EPSTI1: variants seen among roughly 807,000 people sequenced by gnomAD.
EPSTI1 encodes epithelial stromal interaction 1, also known as epithelial-stromal interaction protein 1.
In EPSTI1, 66 loss-of-function variants were observed where a neutral mutation model predicts 49.9. The observed-to-expected ratio is 1.32, with a 90% CI of 1.08 to 1.62. EPSTI1 has a LOEUF of 1.62. Among genes scored for constraint, EPSTI1 ranks in the 40% most tolerant of loss-of-function variants. The pLI, the probability that EPSTI1 is intolerant of heterozygous loss-of-function variation, is 0.00. For missense variants in EPSTI1, 394 were observed against 365.5 expected (o/e 1.08, Z -0.64); for synonymous variants, 137 against 130.7 (o/e 1.05, Z -0.33).
chr13:42,941,153 A>G (rs1403395839), intron 6 of EPSTI1, among the ~76,000 whole-genome samples: 1 of 152,224 alleles, frequency 6.6e-6, no homozygotes, highest in African/African-American at 2.4e-5. Flanking sequence ...GTATAAAATC[A>G]TCCTTCACTA....
In EPSTI1 at chr13:42,970,603, T is replaced by C; in HGVS notation, c.247+9A>G. The stretch of plus-strand genomic sequence containing the variant: ...GCATTCTGAATGTTAAATGAATGAC[T>C]ATACATACTTCTTTGTATCTCATTT... On this transcript the variant is annotated intron_variant, in intron 2 of 10. Coordinates refer to ENST00000313624, the MANE Select transcript of EPSTI1 (RefSeq NM_033255.5). 6.2e-7 allele frequency: 1 copy of C among 1,600,432 alleles called. No homozygotes were observed. The highest frequency in any genetic ancestry group is 8.5e-7 in the Non-Finnish European group (1 of 1,172,032).
chr13:42,977,260 C>T (rs2039898696), intron 1 of EPSTI1, among the ~76,000 whole-genome samples: 1 of 152,214 alleles, frequency 6.6e-6, no homozygotes, highest in Non-Finnish European at 1.5e-5. Context: ...TTATGTGTGA[C>T]ATCCTTTATT....
chr13:42,928,833 G>T (rs919598473), intron 6 of EPSTI1, among the ~76,000 whole-genome samples: 3 of 152,324 alleles, frequency 2.0e-5, no homozygotes, highest in Admixed American at 2.0e-4. Context: ...AATGTGAGAA[G>T]TGTTGAATGC....
intron 8 of EPSTI1, among the ~76,000 whole-genome samples, chr13:42,901,249 G>A (rs2037343548): frequency 6.6e-6 from 1 of 152,110 alleles, no homozygotes; most frequent in Non-Finnish European, 1.5e-5. Context: ...CCAATAAAAG[G>A]TTGCTATTGT....
At chr13:42,969,209 T>C in intron 2 of EPSTI1, 32 bp from the exon 3 acceptor site, 1 of 1,602,696 alleles carries the variant, frequency 6.2e-7, no homozygotes, top group Non-Finnish European at 8.5e-7. Flanking sequence ...AAATCGTCAA[T>C]TATTAGACTT....
intron 6 of EPSTI1, among the ~76,000 whole-genome samples, chr13:42,927,627 A>G (rs1303378823): frequency 6.6e-6 from 1 of 152,238 alleles, no homozygotes; most frequent in East Asian, 1.9e-4. Context: ...CATCACTTCA[A>G]ATATTACTTA....
At chr13:42,925,621 C>T (rs2038147830) in intron 7 of EPSTI1, among the ~76,000 whole-genome samples, 2 of 152,222 alleles carry the variant, frequency 1.3e-5, no homozygotes, top group Non-Finnish European at 2.9e-5. Context: ...CTGCTCATTT[C>T]TATATCCTTC....
chr13:42,929,069 T>C (rs1388277943), intron 6 of EPSTI1, among the ~76,000 whole-genome samples: 1 of 152,192 alleles, frequency 6.6e-6, no homozygotes, highest in Non-Finnish European at 1.5e-5. Context: ...GTGAATTCAC[T>C]TATATGTAGT....
chr13:42,914,362 A>G (rs2037770525), intron 8 of EPSTI1, among the ~76,000 whole-genome samples: 1 of 152,168 alleles, frequency 6.6e-6, no homozygotes, highest in Non-Finnish European at 1.5e-5. Context: ...CATGTTTGCC[A>G]ATAGAATGAA....
At chr13:42,924,767 G>A (rs1209056334) in intron 7 of EPSTI1, among the ~76,000 whole-genome samples, 1 of 152,082 alleles carries the variant, frequency 6.6e-6, no homozygotes, top group Admixed American at 6.5e-5. Flanking sequence ...TTAGACTTTA[G>A]AACATCACAT....
rs1327057005 is a variant in EPSTI1 at position 42,966,625 on chromosome 13, G to A, written c.331+2469C>T. Among the ~76,000 whole-genome samples the A allele has an allele frequency of 2.1e-4, 14 of 67,426 alleles. 2 individuals are homozygous for A. Among genetic ancestry groups the A allele is most frequent in the African/African-American group, 5.9e-4 (13 of 21,888 alleles). The allele number at this position is 67,426 out of a possible 152,430, so 44.2% of individuals were successfully genotyped here. On this transcript the variant is annotated intron_variant, in intron 3 of 10. Coordinates refer to ENST00000313624, the MANE Select transcript of EPSTI1 (RefSeq NM_033255.5). ...TGAGAAGTGAGGAGCCTCTCCGCCC[G>A]GCAGCCACCCCATCTGGGAAGTAAG...
intron 8 of EPSTI1, among the ~76,000 whole-genome samples, chr13:42,905,195 A>G (rs891834987): frequency 1.3e-5 from 2 of 152,214 alleles, no homozygotes; most frequent in African/African-American, 4.8e-5. Context: ...AGCAACATAC[A>G]TCATCCTATT....
At position 42,967,292 on chromosome 13, in the gene EPSTI1, A is replaced by T. The variant is rs1217281495; in HGVS notation, c.331+1802T>A. Among the ~76,000 whole-genome samples, 8 of 95,240 alleles carry T rather than the reference A, an allele frequency of 8.4e-5. 3 individuals are homozygous for T. In the East Asian group the frequency reaches 9.0e-4, roughly 11 times the overall value. 62.5% of individuals were successfully genotyped at this position (95,240 alleles called of 152,430 possible). On this transcript the variant is annotated intron_variant, in intron 3 of 10. Transcript: ENST00000313624. ...AATTATCAATAAAAAAATAAATTAA[A>T]AAAAAAAAAAAAAAAAAAAGAAAAT... is the stretch of plus-strand genomic sequence containing the variant.
intron 6 of EPSTI1, among the ~76,000 whole-genome samples, chr13:42,950,237 C>T (rs914125009): frequency 6.6e-6 from 1 of 152,202 alleles, no homozygotes; most frequent in Non-Finnish European, 1.5e-5. Context: ...TTGAAACAGT[C>T]ACAGTCATTC....
At chr13:42,980,383 T>A (rs2039966178) in intron 1 of EPSTI1, among the ~76,000 whole-genome samples, 1 of 152,108 alleles carries the variant, frequency 6.6e-6, no homozygotes, top group African/African-American at 2.4e-5. Context: ...ACTGGGTGAT[T>A]TATAAAGAAA....
intron 1 of EPSTI1, among the ~76,000 whole-genome samples, chr13:42,971,735 C>G (rs2039773142): frequency 6.6e-6 from 1 of 152,154 alleles, no homozygotes; most frequent in South Asian, 2.1e-4. Flanking sequence ...TCAACAGAAG[C>G]CATTTCCTTC....
At chr13:42,947,302 C>A (rs201303003) in intron 6 of EPSTI1, among the ~76,000 whole-genome samples, 4 of 124,350 alleles carry the variant, frequency 3.2e-5, no homozygotes, top group African/African-American at 7.7e-5. Context: ...CCAGACATTT[C>A]AAAAAAAAAG....
At position 42,967,818 on chromosome 13, in the gene EPSTI1, C is replaced by T. The variant is rs567586064; in HGVS notation, c.331+1276G>A. Among the ~76,000 whole-genome samples the T allele has an allele frequency of 3.3e-5, 5 of 152,286 alleles. No homozygotes were observed. The East Asian group carries it at 5.8e-4, about 18-fold the overall frequency. On this transcript the variant is annotated intron_variant, in intron 3 of 10. Coordinates refer to ENST00000313624, the MANE Select transcript of EPSTI1 (RefSeq NM_033255.5). The stretch of plus-strand genomic sequence containing the variant: ...CATTACGAACCCCGAACTCTCTTAT[C>T]TCCCTCCACTTCCCCCTTCAATCCC...
intron 6 of EPSTI1, among the ~76,000 whole-genome samples, chr13:42,949,559 T>C (rs1594709215): frequency 1.5e-5 from 2 of 136,918 alleles, no homozygotes; most frequent in African/African-American, 5.6e-5. Context: ...GCCACTGCAC[T>C]CCAGCCTGGG....
Sources: gnomAD v4.1 joint callset for allele counts (sites outside exome capture counted in the v4.1 genomes callset) on GRCh38, gnomAD v4.1.1 for gene constraint, MANE v1.5 for transcripts, NCBI Gene and HGNC (gene_info 2026-07-23, HGNC 2026-07-21) for gene names.